Variants in URGCP observed in about 807,000 individuals in gnomAD.
The protein encoded by URGCP is up-regulator of cell proliferation.
A neutral mutation model predicts 24.6 loss-of-function variants in URGCP; 13 were observed. That is an observed-to-expected ratio of 0.53 (90% CI 0.34 to 0.84). The LOEUF (loss-of-function observed/expected upper bound fraction) is 0.84. Ranked by LOEUF, URGCP falls within the 40% of genes least tolerant of loss-of-function variation. The pLI, the probability that URGCP is intolerant of heterozygous loss-of-function variation, is 0.01. For missense variants in URGCP, 899 were observed against 1,194.3 expected (o/e 0.75, Z 3.64); for synonymous variants, 444 against 487.2 (o/e 0.91, Z 1.17).
intron 1 of URGCP, among the ~76,000 whole-genome samples, chr7:43,904,648 T>C (rs535490533): frequency 2.0e-5 from 3 of 152,354 alleles, no homozygotes; most frequent in African/African-American, 7.2e-5. Context: ...AATATGTGCA[T>C]AGCTTACCCC....
At chr7:43,920,022 G>A in intron 1 of URGCP, 1 of 1,323,384 alleles carries the variant, frequency 7.6e-7, no homozygotes, top group South Asian at 1.2e-5. Flanking sequence ...ATGGCCACAT[G>A]GCCAGACTAC....
At chr7:43,922,651 C>T (rs2095923727) in intron 1 of URGCP, among the ~76,000 whole-genome samples, 2 of 152,082 alleles carry the variant, frequency 1.3e-5, no homozygotes, top group African/African-American at 4.8e-5. Context: ...CCTCAACCTC[C>T]TAGGCCCAAG....
At chr7:43,889,338 G>A in intron 1 of URGCP, 1 of 152,316 alleles carries the variant, frequency 6.6e-6, no homozygotes, top group Non-Finnish European at 1.5e-5. Flanking sequence ...ATGAGCCACT[G>A]TACCCTATAG....
In URGCP at chr7:43,887,349, T is replaced by C. The variant is rs2095863653; in HGVS notation, c.112+66A>G. The C allele has an allele frequency of 1.9e-5, 30 of 1,578,734 alleles. 1 individual carries two copies. In the South Asian group the frequency reaches 3.5e-4, roughly 19 times the overall value. On this transcript the variant is annotated intron_variant, in intron 3 of 5. Coordinates refer to ENST00000453200, the MANE Select transcript of URGCP (RefSeq NM_001077663.3). ...GTCCAGGAGGGGCTGGAACCCAGAA[T>C]CCCAAGGGGACAGGAGAAGTACTTC...
In URGCP at chr7:43,877,649, G is replaced by A. The variant is rs748850643; in HGVS notation, c.1814C>T (p.Pro605Leu). ...KHGGTTDVGE[P>L]LWPEPLGVEH... Reference sequence around the variant, plus strand: ...CACCCCTAGGGGCTCAGGCCAGAGCGGCTCCCCCACGTCTGTGGTGCCCCC... The same window carrying A: ...CACCCCTAGGGGCTCAGGCCAGAGCAGCTCCCCCACGTCTGTGGTGCCCCC... The change falls in exon 6 of 6, where the codon CCG (proline) becomes CTG (leucine). Residue 605 changes from proline to leucine, a missense_variant. Physicochemically the swap from Pro to Leu is moderately conservative, Grantham distance 98. Transcript: ENST00000453200. The A allele has an allele frequency of 2.4e-5, 39 of 1,613,980 alleles. No individual in the cohort carries two copies. The highest frequency in any genetic ancestry group is 6.7e-5 in the African/African-American group (5 of 74,920).
intron 4 of URGCP, 101 bp from the exon 5 acceptor site, chr7:43,881,798 A>G (rs1045623851): frequency 1.2e-6 from 2 of 1,607,320 alleles, no homozygotes; most frequent in African/African-American, 2.7e-5. Flanking sequence ...TTTCTCACCA[A>G]GATGGCAACT....
chr7:43,882,167 G>GA, intron 3 of URGCP: 1 of 634,828 alleles, frequency 1.6e-6, no homozygotes, highest in Non-Finnish European at 2.4e-6. Flanking sequence ...GGCCAGGCAT[G>GA]GTGGCTCATG....
At chr7:43,910,347 C>T (rs1395933484), upstream of URGCP, among the ~76,000 whole-genome samples, 1 of 150,308 alleles carries the variant, frequency 6.7e-6, no homozygotes, top group Non-Finnish European at 1.5e-5. Context: ...TCCTAAGTAG[C>T]TGGGACTACA....
intron 1 of URGCP, among the ~76,000 whole-genome samples, chr7:43,922,753 T>A (rs1202748091): frequency 6.6e-6 from 1 of 151,998 alleles, no homozygotes; most frequent in Non-Finnish European, 1.5e-5. Flanking sequence ...GAAAAAAAAT[T>A]TTTTTTCTTG....
chr7:43,890,359 C>A (rs527647684), intron 1 of URGCP, among the ~76,000 whole-genome samples: 22 of 151,332 alleles, frequency 1.5e-4, no homozygotes, highest in African/African-American at 4.9e-4. Flanking sequence ...GGACTACAGG[C>A]GCCCACGACC....
intron 1 of URGCP, among the ~76,000 whole-genome samples, chr7:43,920,495 G>A (rs1028266625): frequency 3.9e-5 from 6 of 152,152 alleles, no homozygotes; most frequent in East Asian, 3.9e-4. Context: ...CCTGGGAGGC[G>A]GAGGTTGCAG....
chr7:43,897,397 T>C (rs2095880583), intron 1 of URGCP, among the ~76,000 whole-genome samples: 1 of 152,028 alleles, frequency 6.6e-6, no homozygotes, highest in Admixed American at 6.6e-5. Context: ...GCTATATGAC[T>C]ACCAGGGGAA....
At chr7:43,926,553 G>A (rs1036144185), upstream of URGCP, 2 of 1,570,724 alleles carry the variant, frequency 1.3e-6, no homozygotes, top group Non-Finnish European at 1.7e-6. Context: ...AGCGGATCCA[G>A]AAGGTACGCA....
At chr7:43,895,967 C>T (rs893154396) in intron 1 of URGCP, among the ~76,000 whole-genome samples, 8 of 152,130 alleles carry the variant, frequency 5.3e-5, no homozygotes, top group African/African-American at 1.7e-4. Flanking sequence ...TGATAAAGAA[C>T]ATGTGGTATA....
chr7:43,900,001 C>T (rs1440614830), intron 1 of URGCP, among the ~76,000 whole-genome samples: 1 of 151,968 alleles, frequency 6.6e-6, no homozygotes, highest in African/African-American at 2.4e-5. Flanking sequence ...CCACAATAGC[C>T]AGGTGTGGTG....
In URGCP at chr7:43,918,977, G is replaced by A. The variant is rs1042361685; in HGVS notation, c.-116+7155C>T. 11 of 1,295,814 alleles carry A rather than the reference G, an allele frequency of 8.5e-6. No individual in the cohort carries two copies. In the African/African-American group the frequency reaches 1.0e-4, roughly 12 times the overall value. The allele number at this position is 1,295,814 out of a possible 1,614,324, so 80.3% of individuals were successfully genotyped here. The stretch of plus-strand genomic sequence containing the variant: ...ACAACCCAGAGAACATCTACCTGTC[G>A]GAGCATGGGGGAAGAGCTGGCAACA... On this transcript the variant is annotated intron_variant, in intron 1 of 5. Coordinates refer to the URGCP transcript ENST00000426198.
At chr7:43,898,842 T>TAAA (rs35455149) in intron 1 of URGCP, among the ~76,000 whole-genome samples, 13,631 of 139,222 alleles carry the variant, frequency 0.098, 889 homozygotes, top group Admixed American at 0.17. Context: ...AGGAAAGAGT[T>TAAA]AAAAAAAAAA....
intron 1 of URGCP, among the ~76,000 whole-genome samples, chr7:43,901,883 G>A (rs987464842): frequency 4.6e-5 from 7 of 152,218 alleles, no homozygotes; most frequent in Non-Finnish European, 1.0e-4. Flanking sequence ...ACAGCCAATG[G>A]ATGTTAATGG....
chr7:43,898,355 G>A (rs2095882629), intron 1 of URGCP, among the ~76,000 whole-genome samples: 1 of 152,226 alleles, frequency 6.6e-6, no homozygotes, highest in African/African-American at 2.4e-5. Context: ...ACAATGGAAG[G>A]AGAGAGCTCC....
Sources: gnomAD v4.1 joint callset for allele counts (sites outside exome capture counted in the v4.1 genomes callset) on GRCh38, gnomAD v4.1.1 for gene constraint, MANE v1.5 for transcripts, NCBI Gene and HGNC (gene_info 2026-07-23, HGNC 2026-07-21) for gene names.